PITPNM2: variants seen among roughly 807,000 people sequenced by gnomAD.
PITPNM2 encodes the protein membrane-associated phosphatidylinositol transfer protein 2.
A neutral mutation model predicts 132.2 loss-of-function variants in PITPNM2; 35 were observed. The ratio of observed to expected loss-of-function variants is 0.26; its 90% CI spans 0.20 to 0.35. PITPNM2 has a LOEUF of 0.35. Among genes scored for constraint, PITPNM2 ranks in the 10% least tolerant of loss-of-function variants. The pLI is 1.00. For missense variants in PITPNM2, 1,332 were observed against 1,912.0 expected (o/e 0.70, Z 5.66); for synonymous variants, 738 against 799.2 (o/e 0.92, Z 1.29).
At chr12:123,087,096 G>C (rs540644871) in intron 2 of PITPNM2, among the ~76,000 whole-genome samples, 1 of 152,296 alleles carries the variant, frequency 6.6e-6, no homozygotes, top group African/African-American at 2.4e-5. Context: ...AGAGAGCCTG[G>C]AGACAACTAG....
chr12:123,079,983 T>C (rs2041910103), intron 2 of PITPNM2, among the ~76,000 whole-genome samples: 1 of 152,214 alleles, frequency 6.6e-6, no homozygotes, highest in African/African-American at 2.4e-5. Context: ...TCTCTATGGA[T>C]TTGCCTATTC....
At chr12:123,057,305 G>A (rs1382392777) in intron 2 of PITPNM2, among the ~76,000 whole-genome samples, 5 of 149,674 alleles carry the variant, frequency 3.3e-5, no homozygotes, top group Non-Finnish European at 3.0e-5. Flanking sequence ...GCTTGAACCC[G>A]GGAGGCAGAA....
chr12:123,040,062 G>A (rs2040409818), intron 2 of PITPNM2, among the ~76,000 whole-genome samples: 1 of 152,122 alleles, frequency 6.6e-6, no homozygotes, highest in Admixed American at 6.5e-5. Context: ...CCCGGGAGGT[G>A]GAGGTTGCAG....
At chr12:123,141,355 G>A (rs1372986477) in intron 1 of PITPNM2, among the ~76,000 whole-genome samples, 1 of 152,178 alleles carries the variant, frequency 6.6e-6, no homozygotes, top group Non-Finnish European at 1.5e-5. Context: ...CAAAAGGTGG[G>A]TAAGCGGGAA....
intron 2 of PITPNM2, among the ~76,000 whole-genome samples, chr12:123,057,018 C>A (rs368906580): frequency 1.3e-5 from 2 of 152,138 alleles, no homozygotes; most frequent in African/African-American, 4.8e-5. Context: ...AAGAGAAAAG[C>A]GCGTCTGAGT....
chr12:123,137,828 G>A (rs1439157984), intron 1 of PITPNM2, among the ~76,000 whole-genome samples: 1 of 151,638 alleles, frequency 6.6e-6, no homozygotes, highest in Non-Finnish European at 1.5e-5. Context: ...GGGAGATGGA[G>A]GCTGCAGTGA....
intron 2 of PITPNM2, among the ~76,000 whole-genome samples, chr12:123,063,828 ACT>A (rs2041326796): frequency 6.6e-6 from 1 of 151,936 alleles, no homozygotes; most frequent in African/African-American, 2.4e-5. Context: ...AGTTACTTAA[ACT>A]CTCTGAGCCT....
chr12:123,027,602 G>A (rs933330615), intron 3 of PITPNM2, among the ~76,000 whole-genome samples: 3 of 152,234 alleles, frequency 2.0e-5, no homozygotes, highest in African/African-American at 7.2e-5. Flanking sequence ...TTATCGTGAG[G>A]ATTAAAGCAG....
chr12:123,094,491 G>A (rs73413223), intron 2 of PITPNM2, among the ~76,000 whole-genome samples: 7,497 of 152,308 alleles, frequency 0.049, 623 homozygotes, highest in African/African-American at 0.17. Context: ...ACAATGCCAT[G>A]GAAGTCTCCA....
rs1255674103 is a variant in PITPNM2 at position 123,095,043 on chromosome 12, G to C, written c.-96+15342C>G. ...TTCCCTCATACAACACTTTTTCTTT[G>C]GTCACTTCTTTTTCGGGGCACTGGG... On this transcript the variant is annotated intron_variant, in intron 2 of 25. Transcript: ENST00000320201. The surrounding 1 kb of genome is among the most constrained non-coding windows in gnomAD (Gnocchi z 5.0). Among the ~76,000 whole-genome samples, 1 of 152,122 alleles carries C rather than the reference G, an allele frequency of 6.6e-6. No individual in the cohort carries two copies. Among genetic ancestry groups the C allele is most frequent in the Non-Finnish European group, 1.5e-5 (1 of 68,024 alleles).
rs1482191670 is a variant in PITPNM2, at chr12:122,994,168, C to T, written c.2233+633G>A. Reference sequence around the variant, plus strand: ...GATTACAGGCGTGAGCCACCGCGCCCGGCCAGCTCTGCATTTTTAACCTGC... The same window carrying T: ...GATTACAGGCGTGAGCCACCGCGCCTGGCCAGCTCTGCATTTTTAACCTGC... On this transcript the variant is annotated intron_variant, in intron 15 of 25. Coordinates refer to ENST00000320201, the MANE Select transcript of PITPNM2 (RefSeq NM_020845.3). This position sits in a 1 kb window ranked among gnomAD's most constrained non-coding sequence, Gnocchi z 5.4. Among the ~76,000 whole-genome samples, 4 of 152,246 alleles carry T rather than the reference C, an allele frequency of 2.6e-5. No homozygotes were observed. Among genetic ancestry groups the T allele is most frequent in the East Asian group, 1.9e-4 (1 of 5,202 alleles).
chr12:123,027,499 T>C (rs1354759845), intron 3 of PITPNM2, among the ~76,000 whole-genome samples: 1 of 152,236 alleles, frequency 6.6e-6, no homozygotes, highest in African/African-American at 2.4e-5. Flanking sequence ...AGGCCAGCTA[T>C]GCACCCTTGG....
rs902111909 is a variant in PITPNM2, at chr12:123,023,836, T to C, written c.79-9794A>G. Among the ~76,000 whole-genome samples the C allele has an allele frequency of 9.2e-5, 14 of 151,912 alleles. No homozygotes were observed. In the East Asian group the frequency reaches 2.5e-3, roughly 27 times the overall value. On this transcript the variant is annotated intron_variant, in intron 3 of 25. Transcript: ENST00000320201. The surrounding 1 kb of genome is among the most constrained non-coding windows in gnomAD (Gnocchi z 4.8). ...GCTTCAAAGGACACTAAAAAGAAAG[T>C]GAAAAAACAACGTACAAAATGGGAG...
chr12:123,074,993 C>T (rs2041739074), intron 2 of PITPNM2, among the ~76,000 whole-genome samples: 1 of 152,220 alleles, frequency 6.6e-6, no homozygotes, highest in South Asian at 2.1e-4. Flanking sequence ...GAGAAGAATG[C>T]CAAATGGTAG....
rs1263964307 is a variant in PITPNM2, at chr12:123,005,650, T to C, written c.644-102A>G. On this transcript the variant is annotated intron_variant, in intron 6 of 25. Transcript: ENST00000320201. This position sits in a 1 kb window ranked among gnomAD's most constrained non-coding sequence, Gnocchi z 6.2. Reference sequence around the variant, plus strand: ...CCCAGGCAGGGGCTTTGGGAGGCTGTACCCATGTTGCAGGTCAAACTAAAG... The same window carrying C: ...CCCAGGCAGGGGCTTTGGGAGGCTGCACCCATGTTGCAGGTCAAACTAAAG... 8.3e-7 allele frequency: 1 copy of C among 1,207,066 alleles called. No individual in the cohort carries two copies. The highest frequency in any genetic ancestry group is 1.2e-6 in the Non-Finnish European group (1 of 861,600). The allele number at this position is 1,207,066 out of a possible 1,614,324, so 74.8% of individuals were successfully genotyped here. A position where few individuals can be genotyped will look rare whatever the true frequency, so the allele number is the denominator to read the frequency against.
At position 123,023,000 on chromosome 12, in the gene PITPNM2, G is replaced by A. The variant is rs1379151969; in HGVS notation, c.79-8958C>T. 6.6e-6 allele frequency among the ~76,000 whole-genome samples: 1 copy of A among 152,232 alleles called. No individual in the cohort carries two copies. The highest frequency in any genetic ancestry group is 2.4e-5 in the African/African-American group (1 of 41,462). On this transcript the variant is annotated intron_variant, in intron 3 of 25. Transcript: ENST00000320201. This position sits in a 1 kb window ranked among gnomAD's most constrained non-coding sequence, Gnocchi z 4.9. Reference sequence around the variant, plus strand: ...TGTTCTCCCAGCTCCCTGCCACAGGGGCATGACTCTGTCTCCTGGCTGGGC... The same window carrying A: ...TGTTCTCCCAGCTCCCTGCCACAGGAGCATGACTCTGTCTCCTGGCTGGGC...
Position 123,097,244 on chromosome 12 carries a change from T to C in PITPNM2, c.-96+13141A>G, listed in dbSNP as rs2042434177. ...TTTTAGTAGAGACGGGGTTTTGCCATGTTGGCCAGGCTGGTCTCGAACTCC... is the reference window on the plus strand; with the variant it reads ...TTTTAGTAGAGACGGGGTTTTGCCACGTTGGCCAGGCTGGTCTCGAACTCC... On this transcript the variant is annotated intron_variant, in intron 2 of 25. Coordinates refer to ENST00000320201, the MANE Select transcript of PITPNM2 (RefSeq NM_020845.3). This position sits in a 1 kb window ranked among gnomAD's most constrained non-coding sequence, Gnocchi z 4.7. Among the ~76,000 whole-genome samples the C allele has an allele frequency of 6.6e-6, 1 of 152,130 alleles. No individual in the cohort carries two copies. The highest frequency in any genetic ancestry group is 1.5e-5 in the Non-Finnish European group (1 of 68,020).
rs527505629 is a variant in PITPNM2 at position 123,106,625 on chromosome 12, A to G, written c.-96+3760T>C. ...TATCAATAAACAAAATGTAGATGGG[A>G]GCAGTCAGGAGGGGCACAGGTGACA... On this transcript the variant is annotated intron_variant, in intron 2 of 25. Coordinates refer to ENST00000320201, the MANE Select transcript of PITPNM2 (RefSeq NM_020845.3). The surrounding 1 kb of genome is among the most constrained non-coding windows in gnomAD (Gnocchi z 4.4). Among the ~76,000 whole-genome samples the G allele has an allele frequency of 6.6e-6, 1 of 152,278 alleles. No individual in the cohort carries two copies. Among genetic ancestry groups the G allele is most frequent in the South Asian group, 2.1e-4 (1 of 4,824 alleles).
intron 2 of PITPNM2, among the ~76,000 whole-genome samples, chr12:123,069,549 T>G (rs572187347): frequency 6.6e-6 from 1 of 152,326 alleles, no homozygotes; most frequent in African/African-American, 2.4e-5. Context: ...CAGAGTCCTC[T>G]GTGCTCAAAG....
Sources: gnomAD v4.1 joint callset for allele counts (sites outside exome capture counted in the v4.1 genomes callset) on GRCh38, gnomAD v4.1.1 for gene constraint, Gnocchi (gnomAD v3.1) non-coding constraint, MANE v1.5 for transcripts, NCBI Gene and HGNC (gene_info 2026-07-23, HGNC 2026-07-21) for gene names.